Variants in CLDN10 observed in about 807,000 individuals in gnomAD.
CLDN10 encodes the protein claudin 10.
A neutral mutation model predicts 22.9 loss-of-function variants in CLDN10; 15 were observed. The ratio of observed to expected loss-of-function variants is 0.65; its 90% CI spans 0.44 to 1.01. The LOEUF (loss-of-function observed/expected upper bound fraction) is 1.01. CLDN10 is among the 50% of genes least tolerant of loss of function. CLDN10 has a pLI of 0.00. For missense variants in CLDN10, 247 were observed against 287.8 expected (o/e 0.86, Z 1.03); for synonymous variants, 114 against 111.4 (o/e 1.02, Z -0.15).
At chr13:95,486,418 G>A (rs1023727777) in intron 1 of CLDN10, among the ~76,000 whole-genome samples, 1 of 151,700 alleles carries the variant, frequency 6.6e-6, no homozygotes, top group Non-Finnish European at 1.5e-5. Context: ...AGCTACTCTG[G>A]AGGCTGAGGC....
intron 1 of CLDN10, among the ~76,000 whole-genome samples, chr13:95,461,305 T>C (rs1360946941): frequency 1.3e-5 from 2 of 152,196 alleles, no homozygotes; most frequent in Non-Finnish European, 2.9e-5. Flanking sequence ...TAGAACACTC[T>C]AGTACTTCTA....
chr13:95,537,827 G>T (rs947069742), intron 1 of CLDN10, among the ~76,000 whole-genome samples: 1 of 152,188 alleles, frequency 6.6e-6, no homozygotes, highest in Non-Finnish European at 1.5e-5. Flanking sequence ...ACTCACCGGG[G>T]TAATTTGGAT....
intron 1 of CLDN10, among the ~76,000 whole-genome samples, chr13:95,434,977 A>G (rs2042253405): frequency 6.6e-6 from 1 of 151,238 alleles, no homozygotes. Context: ...TAAGTGAAAG[A>G]AAATGCTGTT....
intron 1 of CLDN10, among the ~76,000 whole-genome samples, chr13:95,532,042 C>G (rs144981789): frequency 6.6e-6 from 1 of 152,026 alleles, no homozygotes; most frequent in Admixed American, 6.5e-5. Context: ...TAAAAAACAG[C>G]TAAAAGCAAA....
chr13:95,544,287 T>C (rs2043486870), intron 1 of CLDN10, among the ~76,000 whole-genome samples: 1 of 152,218 alleles, frequency 6.6e-6, no homozygotes, highest in Non-Finnish European at 1.5e-5. Flanking sequence ...CTGCTTTATT[T>C]AGCATGTCAA....
At chr13:95,563,115 T>TCTCG (rs2138663992) in intron 3 of CLDN10, among the ~76,000 whole-genome samples, 1 of 151,648 alleles carries the variant, frequency 6.6e-6, no homozygotes, top group South Asian at 2.1e-4. Flanking sequence ...TCTCTCTCTC[T>TCTCG]CTCTCTCTCT....
At chr13:95,534,892 C>T (rs1412560377) in intron 1 of CLDN10, among the ~76,000 whole-genome samples, 5 of 152,004 alleles carry the variant, frequency 3.3e-5, no homozygotes, top group Non-Finnish European at 7.4e-5. Flanking sequence ...ATTCTCAAAG[C>T]GCTCACAGCT....
At chr13:95,459,753 G>T (rs1480690398) in intron 1 of CLDN10, among the ~76,000 whole-genome samples, 5 of 152,134 alleles carry the variant, frequency 3.3e-5, no homozygotes, top group African/African-American at 1.2e-4. Flanking sequence ...ACTAACATTT[G>T]GTTCCTCATT....
chr13:95,497,790 T>C (rs1570904), intron 1 of CLDN10, among the ~76,000 whole-genome samples: 63,541 of 151,972 alleles, frequency 0.42, 14,688 homozygotes, highest in Non-Finnish European at 0.51. Context: ...CAAACATTTT[T>C]CTCTCAAAAG....
chr13:95,545,755 G>A (rs1032640566), intron 1 of CLDN10, among the ~76,000 whole-genome samples: 42 of 152,136 alleles, frequency 2.8e-4, no homozygotes, highest in African/African-American at 9.6e-4. Flanking sequence ...ATAAACATGA[G>A]AAGGAGCGTC....
At chr13:95,525,110 G>A (rs1232815854) in intron 1 of CLDN10, among the ~76,000 whole-genome samples, 11 of 151,960 alleles carry the variant, frequency 7.2e-5, no homozygotes, top group African/African-American at 1.2e-4. Flanking sequence ...TGCCCGCCTC[G>A]GCCTCCCAAA....
rs576107220 is a variant in CLDN10 at position 95,438,382 on chromosome 13, G to A, written c.214+4335G>A. Among the ~76,000 whole-genome samples the A allele has an allele frequency of 2.0e-5, 3 of 152,356 alleles. No homozygotes were observed. In the South Asian group the frequency reaches 6.2e-4, roughly 32 times the overall value. On this transcript the variant is annotated intron_variant, in intron 1 of 4. Coordinates refer to the CLDN10 transcript ENST00000376873. ...GGCCTCCCAGAGTGCTGGGATTACA[G>A]GCATGGGCCATCGTGCCCTGCCAAG... is the stretch of plus-strand genomic sequence containing the variant.
At chr13:95,449,868 C>T (rs185714155) in intron 1 of CLDN10, among the ~76,000 whole-genome samples, 2,387 of 151,990 alleles carry the variant, frequency 0.016, 75 homozygotes, top group African/African-American at 0.054. Flanking sequence ...CTCAGCCTCC[C>T]GAGTAGCTGG....
At chr13:95,495,782 A>C (rs2042924306) in intron 1 of CLDN10, among the ~76,000 whole-genome samples, 1 of 151,830 alleles carries the variant, frequency 6.6e-6, no homozygotes, top group African/African-American at 2.4e-5. Context: ...GAAAGAAAGA[A>C]ATGAAGCTAA....
At chr13:95,477,843 C>T (rs1021128006) in intron 1 of CLDN10, among the ~76,000 whole-genome samples, 52 of 152,080 alleles carry the variant, frequency 3.4e-4, no homozygotes, top group African/African-American at 1.1e-3. Context: ...CAGACAGGCC[C>T]GTGGACAGAT....
chr13:95,569,298 G>C (rs2138674765), intron 3 of CLDN10, among the ~76,000 whole-genome samples: 1 of 152,240 alleles, frequency 6.6e-6, no homozygotes, highest in Non-Finnish European at 1.5e-5. Flanking sequence ...AAACTATAAG[G>C]CTTGGCTGGG....
chr13:95,499,097 G>T (rs1208546758), intron 1 of CLDN10, among the ~76,000 whole-genome samples: 3 of 152,208 alleles, frequency 2.0e-5, no homozygotes, highest in African/African-American at 7.2e-5. Flanking sequence ...CGTATGGATA[G>T]GCCACATCTT....
At chr13:95,516,269 G>A (rs2043166968) in intron 1 of CLDN10, among the ~76,000 whole-genome samples, 1 of 152,092 alleles carries the variant, frequency 6.6e-6, no homozygotes, top group South Asian at 2.1e-4. Context: ...ACAGTATCAT[G>A]ACATTACATC....
At chr13:95,534,216 C>T (rs2043376234) in intron 1 of CLDN10, among the ~76,000 whole-genome samples, 2 of 152,108 alleles carry the variant, frequency 1.3e-5, no homozygotes, top group South Asian at 2.1e-4. Flanking sequence ...TAGAAGGTTA[C>T]ATATGAAAAC....
Sources: gnomAD v4.1 joint callset for allele counts (sites outside exome capture counted in the v4.1 genomes callset) on GRCh38, gnomAD v4.1.1 for gene constraint, MANE v1.5 for transcripts, NCBI Gene and HGNC (gene_info 2026-07-23, HGNC 2026-07-21) for gene names.